NRG3: variants seen among roughly 807,000 people sequenced by gnomAD.
The protein encoded by NRG3 is pro-neuregulin-3, membrane-bound isoform.
NRG3 carries 31 observed loss-of-function variants against 66.9 expected under a neutral mutation model. That is an observed-to-expected ratio of 0.46 (90% confidence interval 0.35 to 0.63). The LOEUF (loss-of-function observed/expected upper bound fraction) is 0.63. Ranked by LOEUF, NRG3 falls within the 20% of genes least tolerant of loss-of-function variation. The probability of loss-of-function intolerance (pLI) is 0.00; values close to 1 mark genes in which losing one functional copy is unlikely to be tolerated. For missense variants in NRG3, 910 were observed against 878.9 expected, an observed-to-expected ratio of 1.04 and a Z score of -0.45; for synonymous variants, 393 against 359.4, an observed-to-expected ratio of 1.09 and a Z score of -1.06.
chr10:82,230,054 C>T (rs907731694), intron 1 of NRG3: 4 of 151,572 alleles, frequency 2.6e-5, no homozygotes, highest in Admixed American at 2.0e-4. Context: ...AAAGGAGAAA[C>T]GAATATATGG....
chr10:82,555,566 T>C (rs2044594063), intron 2 of NRG3, among the ~76,000 whole-genome samples: 1 of 152,194 alleles, frequency 6.6e-6, no homozygotes, highest in South Asian at 2.1e-4. Flanking sequence ...AAGATCTAAA[T>C]GGAAACTTCC....
intron 2 of NRG3, among the ~76,000 whole-genome samples, chr10:82,460,242 C>T (rs920284820): frequency 6.6e-6 from 1 of 152,122 alleles, no homozygotes; most frequent in African/African-American, 2.4e-5. Flanking sequence ...CACAGTAGAG[C>T]GCTTAAGGGT....
intron 2 of NRG3, among the ~76,000 whole-genome samples, chr10:82,671,835 A>C (rs1591107441): frequency 6.6e-6 from 1 of 152,352 alleles, no homozygotes; most frequent in Middle Eastern, 3.4e-3. Flanking sequence ...ATTAGGCAGC[A>C]GTCAAAAATA....
chr10:82,139,320 A>G (rs2069596345), intron 1 of NRG3, among the ~76,000 whole-genome samples: 1 of 152,158 alleles, frequency 6.6e-6, no homozygotes, highest in African/African-American at 2.4e-5. Flanking sequence ...AAAGTCATTA[A>G]TTTACTGAGC....
At position 82,882,077 on chromosome 10, in the gene NRG3, C is replaced by T. The variant is rs80323781; in HGVS notation, c.1054+16640C>T. Among the ~76,000 whole-genome samples the T allele has an allele frequency of 9.8e-5, 15 of 152,296 alleles. No homozygotes were observed. In the East Asian group the frequency reaches 1.9e-3, roughly 20 times the overall value. On this transcript the variant is annotated intron_variant, in intron 4 of 8. Coordinates refer to ENST00000372141, the MANE Select transcript of NRG3 (RefSeq NM_001010848.4). ...AGAAGCACGTTCTCTTCTTTTAACA[C>T]GCCGTGATTGTCCATGCCCGTCTTT...
intron 4 of NRG3, among the ~76,000 whole-genome samples, chr10:82,894,318 C>A (rs1458956723): frequency 6.6e-6 from 1 of 151,832 alleles, no homozygotes; most frequent in Admixed American, 6.6e-5. Context: ...TTGATAGTAA[C>A]AAAAAATAAT....
chr10:82,056,567 C>T (rs1035892736), intron 1 of NRG3, among the ~76,000 whole-genome samples: 4 of 152,174 alleles, frequency 2.6e-5, no homozygotes, highest in African/African-American at 7.2e-5. Flanking sequence ...AGAATTTTGA[C>T]AGGAACAGTG....
At chr10:81,936,433 A>G (rs1008031480) in intron 1 of NRG3, among the ~76,000 whole-genome samples, 3 of 152,120 alleles carry the variant, frequency 2.0e-5, no homozygotes, top group African/African-American at 7.2e-5. Context: ...GTTACTAAGC[A>G]TGATCAGCTT....
intron 4 of NRG3, among the ~76,000 whole-genome samples, chr10:82,879,466 A>ATTT (rs1379930279): frequency 2.9e-5 from 3 of 104,740 alleles, no homozygotes; most frequent in African/African-American, 1.3e-4. Context: ...TCTAATGAAG[A>ATTT]CTTTTTTTTT....
At chr10:81,891,607 A>G (rs1236268963) in intron 1 of NRG3, among the ~76,000 whole-genome samples, 1 of 152,144 alleles carries the variant, frequency 6.6e-6, no homozygotes, top group East Asian at 1.9e-4. Flanking sequence ...TCCTTTGCGC[A>G]ATCTTGGTAT....
chr10:81,983,650 G>T (rs1490510608), intron 1 of NRG3, among the ~76,000 whole-genome samples: 1 of 152,118 alleles, frequency 6.6e-6, no homozygotes, highest in Non-Finnish European at 1.5e-5. Flanking sequence ...AATTTACGTT[G>T]TCTTCACCAA....
At chr10:82,149,282 A>G (rs1348530730) in intron 1 of NRG3, among the ~76,000 whole-genome samples, 2 of 152,136 alleles carry the variant, frequency 1.3e-5, no homozygotes, top group Non-Finnish European at 2.9e-5. Flanking sequence ...AATAACACTT[A>G]ATACATTATA....
intron 1 of NRG3, among the ~76,000 whole-genome samples, chr10:81,925,851 A>C (rs1846727927): frequency 6.6e-6 from 1 of 152,056 alleles, no homozygotes; most frequent in Non-Finnish European, 1.5e-5. Context: ...GGGAGCTTTC[A>C]TAAAAGGACC....
At position 82,986,218 on chromosome 10, in the gene NRG3, G is replaced by C. The variant is rs1383909617; in HGVS notation, c.*613G>C. 6.6e-6 allele frequency: 1 copy of C among 152,278 alleles called. No individual in the cohort carries two copies. The highest frequency in any genetic ancestry group is 2.4e-5 in the African/African-American group (1 of 41,456). 9.4% of individuals were successfully genotyped at this position (152,278 alleles called of 1,614,324 possible). ...TGCCACCTTCCTCTGAGATTTGAAT[G>C]CACAGATCTCAGCTGGAGGTATGAA... On this transcript the variant is annotated 3_prime_UTR_variant, in exon 9 of 9. Transcript: ENST00000372141.
chr10:82,187,035 A>C (rs2133297632), intron 1 of NRG3, among the ~76,000 whole-genome samples: 1 of 152,322 alleles, frequency 6.6e-6, no homozygotes, highest in East Asian at 1.9e-4. Flanking sequence ...GCCATCACCC[A>C]AAAACTGGAG....
At chr10:82,742,378 C>T (rs1247575870) in intron 3 of NRG3, among the ~76,000 whole-genome samples, 1 of 152,118 alleles carries the variant, frequency 6.6e-6, no homozygotes, top group Non-Finnish European at 1.5e-5. Context: ...TTCAAAAACT[C>T]ATCCCCTCTG....
chr10:82,621,231 G>T (rs537195813), intron 2 of NRG3, among the ~76,000 whole-genome samples: 2 of 152,164 alleles, frequency 1.3e-5, no homozygotes, highest in African/African-American at 4.8e-5. Flanking sequence ...TATTGACCAG[G>T]ATGAAGTCAG....
intron 3 of NRG3, among the ~76,000 whole-genome samples, chr10:82,771,689 A>G (rs1195902159): frequency 6.6e-6 from 1 of 152,202 alleles, no homozygotes; most frequent in East Asian, 1.9e-4. Context: ...TAAGTCCTGG[A>G]TGAGCTATTC....
chr10:82,303,523 A>G (rs910260483), intron 1 of NRG3, among the ~76,000 whole-genome samples: 3 of 152,216 alleles, frequency 2.0e-5, no homozygotes, highest in African/African-American at 7.2e-5. Flanking sequence ...CTTTGTAATT[A>G]CAAAATTAGA....
Sources: gnomAD v4.1 joint callset for allele counts (sites outside exome capture counted in the v4.1 genomes callset) on GRCh38, gnomAD v4.1.1 for gene constraint, MANE v1.5 for transcripts, NCBI Gene and HGNC (gene_info 2026-07-23, HGNC 2026-07-21) for gene names.